UBE2O: variants seen among roughly 807,000 people sequenced by gnomAD.
The protein encoded by UBE2O is (E3-independent) E2 ubiquitin-conjugating enzyme.
A neutral mutation model predicts 125.8 loss-of-function variants in UBE2O; 15 were observed. The observed-to-expected ratio is 0.12, with a 90% CI of 0.08 to 0.18. The LOEUF is 0.18. Among genes scored for constraint, UBE2O ranks in the 10% least tolerant of loss-of-function variants. The pLI is 1.00. For missense variants in UBE2O, 1,280 were observed against 1,723.6 expected (o/e 0.74, Z 4.56); for synonymous variants, 708 against 703.2 (o/e 1.01, Z -0.11).
chr17:76,442,099 G>A (rs2073083624), intron 1 of UBE2O, among the ~76,000 whole-genome samples: 1 of 152,174 alleles, frequency 6.6e-6, no homozygotes, highest in Admixed American at 6.5e-5. Context: ...TTCTTACAGG[G>A]GAAATGCAGC....
chr17:76,392,966 T>C (rs1250541206), intron 15 of UBE2O, among the ~76,000 whole-genome samples: 1 of 149,050 alleles, frequency 6.7e-6, no homozygotes, highest in African/African-American at 2.5e-5. Context: ...AAAAAAAGAT[T>C]GTATTCCTCA....
At position 76,441,857 on chromosome 17, in the gene UBE2O, C is replaced by T. The variant is rs1318682660; in HGVS notation, c.417+10868G>A. ...TTCCTGACTCCTTCAAAGTAATAGG[C>T]CTGGCATAGCCACTGCAACTCCAGG... On this transcript the variant is annotated intron_variant, in intron 1 of 17. Transcript: ENST00000319380. Among the ~76,000 whole-genome samples, 4 of 152,328 alleles carry T rather than the reference C, an allele frequency of 2.6e-5. 1 individual carries two copies. The East Asian group carries it at 5.8e-4, about 22-fold the overall frequency.
intron 1 of UBE2O, among the ~76,000 whole-genome samples, chr17:76,438,420 C>T (rs2073031636): frequency 6.6e-6 from 1 of 152,162 alleles, no homozygotes; most frequent in Admixed American, 6.5e-5. Flanking sequence ...AGCCCTGGCA[C>T]ACTAATGTCC....
At chr17:76,417,255 A>C (rs2072631962) in intron 1 of UBE2O, among the ~76,000 whole-genome samples, 1 of 152,246 alleles carries the variant, frequency 6.6e-6, no homozygotes, top group East Asian at 1.9e-4. Context: ...TGACCATCAG[A>C]GCAGGCCAGC....
intron 1 of UBE2O, among the ~76,000 whole-genome samples, chr17:76,435,449 CACACACAA>C (rs1567852997): frequency 2.1e-5 from 3 of 140,742 alleles, no homozygotes; most frequent in Non-Finnish European, 3.2e-5. Flanking sequence ...CACACACACA[CACACACAA>C]AGATTAAGAT....
At chr17:76,401,384 T>C (rs2072321556) in intron 5 of UBE2O, among the ~76,000 whole-genome samples, 1 of 152,216 alleles carries the variant, frequency 6.6e-6, no homozygotes, top group Non-Finnish European at 1.5e-5. Context: ...TCCATGCTCC[T>C]TGGTCAAGGG....
At chr17:76,447,028 C>A (rs1346867583) in intron 1 of UBE2O, among the ~76,000 whole-genome samples, 1 of 152,244 alleles carries the variant, frequency 6.6e-6, no homozygotes. Flanking sequence ...ATCTCCCTCC[C>A]TCCTGCCTGC....
At position 76,399,523 on chromosome 17, in the gene UBE2O, C is replaced by A. The variant is rs751817694; in HGVS notation, c.1554G>T (p.Leu518Phe). The A allele has an allele frequency of 1.2e-6, 2 of 1,614,176 alleles. No homozygotes were observed. The highest frequency in any genetic ancestry group is 2.2e-5 in the South Asian group (2 of 91,088). The change falls in exon 9 of 18, where the codon TTG (leucine) becomes TTT (phenylalanine). Residue 518 changes from leucine (L) to phenylalanine (F), a missense_variant. By Grantham distance (22) the Leu-to-Phe change is conservative. This residue lies in a region of UBE2O where 145 missense variants were observed against 219.6 expected (regional missense o/e 0.66). Coordinates refer to ENST00000319380, the MANE Select transcript of UBE2O (RefSeq NM_022066.4). The surrounding 1 kb of genome is among the most constrained non-coding windows in gnomAD (Gnocchi z 6.9). ...SGTSRKKSIP[L>F]SIKNLKRKHK... is the part of the protein sequence containing the mutation. ...GTTTGCGCTTTAAGTTCTTGATGGA[C>A]AAGGGGATGCTCTTTTTGCGACTCG... is the stretch of plus-strand genomic sequence containing the variant.
intron 1 of UBE2O, among the ~76,000 whole-genome samples, chr17:76,435,703 T>G (rs780616173): frequency 6.6e-6 from 1 of 152,200 alleles, no homozygotes; most frequent in African/African-American, 2.4e-5. Flanking sequence ...CAGGTCTACA[T>G]GCCCTCTCTA....
Position 76,404,644 on chromosome 17 carries a change from G to A in UBE2O, c.588+562C>T, listed in dbSNP as rs911100333. On this transcript the variant is annotated intron_variant, in intron 3 of 17. Coordinates refer to ENST00000319380, the MANE Select transcript of UBE2O (RefSeq NM_022066.4). The surrounding 1 kb of genome is among the most constrained non-coding windows in gnomAD (Gnocchi z 4.3). ...GATTTCCCAATCTGGGGGTTATATG[G>A]TGGTTGCACAGGAGGCTGTCCTCAT... Among the ~76,000 whole-genome samples, 2 of 152,206 alleles carry A rather than the reference G, an allele frequency of 1.3e-5. No individual in the cohort carries two copies. The highest frequency in any genetic ancestry group is 2.9e-5 in the Non-Finnish European group (2 of 68,034).
At chr17:76,392,431 ATTTT>A (rs910898769) in intron 15 of UBE2O, among the ~76,000 whole-genome samples, 1 of 151,744 alleles carries the variant, frequency 6.6e-6, no homozygotes, top group Non-Finnish European at 1.5e-5. Flanking sequence ...TGCCCAGATG[ATTTT>A]TTTATTTTGT....
At chr17:76,424,654 T>TGCTTGAGGCCA in intron 1 of UBE2O, among the ~76,000 whole-genome samples, 1 of 152,034 alleles carries the variant, frequency 6.6e-6, no homozygotes, top group East Asian at 1.9e-4. Context: ...GTGGGAGGAT[T>TGCTTGAGGCCA]GCTTGAGGCC....
At position 76,395,852 on chromosome 17, in the gene UBE2O, G is replaced by T. The variant is rs763827091; in HGVS notation, c.2819C>A (p.Ser940Tyr). ...SVLEFAPSNH[S>Y]FKKIEFQPPE... ...AGGCTGGAACTCAATTTTCTTAAAA[G>T]AATGATTTGCTAGAGGGGGGAAGAG... is the stretch of plus-strand genomic sequence containing the variant. Residue 940 changes from serine to tyrosine, a missense_variant, in exon 15 of 18, where the codon TCT becomes TAT. Around this residue, in one of 10 missense-constraint regions of UBE2O, gnomAD observed 116 missense variants for 154.8 expected, o/e 0.75. Coordinates refer to ENST00000319380, the MANE Select transcript of UBE2O (RefSeq NM_022066.4). The surrounding 1 kb of genome is among the most constrained non-coding windows in gnomAD (Gnocchi z 5.0). The T allele has an allele frequency of 2.5e-6, 4 of 1,614,066 alleles. No individual in the cohort carries two copies. The highest frequency in any genetic ancestry group is 1.1e-5 in the South Asian group (1 of 91,094).
intron 5 of UBE2O, 110 bp from the exon 6 acceptor site, chr17:76,401,264 C>CA: frequency 1.6e-6 from 2 of 1,214,892 alleles, no homozygotes; most frequent in Non-Finnish European, 1.1e-6. Flanking sequence ...CCCACTCACA[C>CA]ACACGCCCCA....
chr17:76,402,136 G>T lies in UBE2O; in HGVS notation c.687-9C>A. 1 of 1,610,830 alleles carries T rather than the reference G, an allele frequency of 6.2e-7. No individual in the cohort carries two copies. Among genetic ancestry groups the T allele is most frequent in the Non-Finnish European group, 8.5e-7 (1 of 1,178,520 alleles). On this transcript the variant is annotated splice_polypyrimidine_tract_variant and intron_variant, in intron 4 of 17. Transcript: ENST00000319380. The surrounding 1 kb of genome is among the most constrained non-coding windows in gnomAD (Gnocchi z 5.4). Reference sequence around the variant, plus strand: ...CCGTGTTCATGGAGCACCTAAAACAGAGAACAGAGGTTTGGTCTCCACCAG... The same window carrying T: ...CCGTGTTCATGGAGCACCTAAAACATAGAACAGAGGTTTGGTCTCCACCAG...
chr17:76,409,851 C>T (rs1176698096), intron 1 of UBE2O, among the ~76,000 whole-genome samples: 1 of 152,202 alleles, frequency 6.6e-6, no homozygotes, highest in Non-Finnish European at 1.5e-5. Context: ...GCCCATTCTC[C>T]TGCAGGGGGG....
At position 76,400,247 on chromosome 17, in the gene UBE2O, C is replaced by T. The variant is rs753433061; in HGVS notation, c.1055G>A (p.Arg352His). The change falls in exon 8 of 18, where the codon CGC (arginine) becomes CAC (histidine). Residue 352 changes from arginine (R) to histidine (H), a missense_variant. Arg to His is a conservative substitution (Grantham distance 29). Around this residue, in one of 10 missense-constraint regions of UBE2O, gnomAD observed 206 missense variants for 315.7 expected, o/e 0.65. Transcript: ENST00000319380. The surrounding 1 kb of genome is among the most constrained non-coding windows in gnomAD (Gnocchi z 4.3). The stretch of plus-strand genomic sequence containing the variant: ...CTTGGCTGGGAAGACATACAGACAG[C>T]GCTCCCCAAGCTGCCGCTGAGCATG... ...FDHAQRQLGE[R>H]CLYVFPAKVE... The T allele has an allele frequency of 2.2e-5, 36 of 1,613,850 alleles. No homozygotes were observed. Among genetic ancestry groups the T allele is most frequent in the African/African-American group, 8.0e-5 (6 of 74,918 alleles).
At position 76,400,402 on chromosome 17, in the gene UBE2O, C is replaced by A. The variant is rs369738788; in HGVS notation, c.1004+39G>T. 3.1e-6 allele frequency: 5 copies of A among 1,596,080 alleles called. No homozygotes were observed. The South Asian group carries it at 5.6e-5, about 18-fold the overall frequency. On this transcript the variant is annotated intron_variant, in intron 7 of 17. Coordinates refer to ENST00000319380, the MANE Select transcript of UBE2O (RefSeq NM_022066.4). This position sits in a 1 kb window ranked among gnomAD's most constrained non-coding sequence, Gnocchi z 4.3. ...GACCAGGGCCCAGAGCCCTGTCCCA[C>A]GCGTGCCCCTGGGTTGCTGGCAGTA...
At chr17:76,408,753 G>A (rs548689502) in intron 1 of UBE2O, among the ~76,000 whole-genome samples, 1 of 152,230 alleles carries the variant, frequency 6.6e-6, no homozygotes, top group East Asian at 1.9e-4. Flanking sequence ...AACACTAGAG[G>A]GCACTGTGCC....
Sources: allele counts gnomAD v4.1 joint callset (sites outside exome capture counted in the v4.1 genomes callset), GRCh38; gene constraint gnomAD v4.1.1; regional missense constraint gnomAD v4.1.1; non-coding constraint Gnocchi (gnomAD v3.1); transcripts MANE v1.5; gene names NCBI Gene and HGNC (gene_info 2026-07-23, HGNC 2026-07-21).